Variants in KAZN observed in about 807,000 individuals in gnomAD.
KAZN encodes kazrin, periplakin interacting protein, also known as kazrin.
In KAZN, 40 loss-of-function variants were observed where a neutral mutation model predicts 87.4. The ratio of observed to expected loss-of-function variants is 0.46; its 90% CI spans 0.36 to 0.60. The LOEUF (loss-of-function observed/expected upper bound fraction) is 0.60. Among genes scored for constraint, KAZN ranks in the 20% least tolerant of loss-of-function variants. The pLI is 0.00. For synonymous variants in KAZN, 466 were observed against 458.3 expected, an observed-to-expected ratio of 1.02 and a Z score of -0.22; for missense variants, 898 against 1,073.9, an observed-to-expected ratio of 0.84 and a Z score of 2.29.
At chr1:13,920,437 A>G (rs1451196434) in intron 1 of KAZN, among the ~76,000 whole-genome samples, 1 of 152,128 alleles carries the variant, frequency 6.6e-6, no homozygotes, top group African/African-American at 2.4e-5. Flanking sequence ...TCAAGAGTGT[A>G]AGTCCTCCAG....
intron 1 of KAZN, among the ~76,000 whole-genome samples, chr1:14,868,312 G>A (rs1219319937): frequency 6.6e-6 from 1 of 152,236 alleles, no homozygotes; most frequent in Non-Finnish European, 1.5e-5. Context: ...CCCAATGGCT[G>A]TCTTTACTAC....
chr1:14,319,004 TTTTATTTTTATTTA>T (rs1383326245), intron 2 of KAZN, among the ~76,000 whole-genome samples: 1 of 142,746 alleles, frequency 7.0e-6, no homozygotes, highest in Non-Finnish European at 1.5e-5. Flanking sequence ...TCTGTTGACC[TTTTATTTTTATTTA>T]TTTATTTATT....
chr1:13,920,295 T>C (rs1640015893), intron 1 of KAZN, among the ~76,000 whole-genome samples: 1 of 151,272 alleles, frequency 6.6e-6, no homozygotes, highest in African/African-American at 2.4e-5. Context: ...TCTGAAGTGC[T>C]CTTTTTGCCA....
intron 2 of KAZN, among the ~76,000 whole-genome samples, chr1:14,535,199 C>G (rs914233866): frequency 6.6e-6 from 1 of 152,216 alleles, no homozygotes; most frequent in African/African-American, 2.4e-5. Context: ...ACCAGCATTA[C>G]AGGTTCTATT....
intron 1 of KAZN, among the ~76,000 whole-genome samples, chr1:14,874,493 GAT>G (rs1652529785): frequency 2.6e-5 from 4 of 151,620 alleles, no homozygotes; most frequent in Admixed American, 1.3e-4. Context: ...TGGATGGATG[GAT>G]GGATGGATGG....
chr1:14,450,706 G>A (rs1202685870), intron 2 of KAZN, among the ~76,000 whole-genome samples: 2 of 152,190 alleles, frequency 1.3e-5, no homozygotes, highest in Admixed American at 6.5e-5. Flanking sequence ...ACTTTGCCAA[G>A]TTTTACAAAC....
intron 1 of KAZN, among the ~76,000 whole-genome samples, chr1:14,119,285 G>A (rs569801790): frequency 4.6e-5 from 7 of 152,044 alleles, no homozygotes; most frequent in Non-Finnish European, 7.3e-5. Flanking sequence ...CTTCCCATCC[G>A]TAGACTTTTA....
intron 2 of KAZN, among the ~76,000 whole-genome samples, chr1:14,539,484 T>C (rs982012646): frequency 4.6e-5 from 7 of 152,224 alleles, no homozygotes; most frequent in African/African-American, 1.7e-4. Context: ...TTCTGTGAGA[T>C]ACTAACATTG....
At position 14,079,015 on chromosome 1, in the gene KAZN, T is replaced by C. The variant is rs752209731; in HGVS notation, c.92-101420T>C. Among the ~76,000 whole-genome samples the C allele has an allele frequency of 5.9e-4, 90 of 152,164 alleles. 1 individual carries two copies. Among genetic ancestry groups the C allele is most frequent in the Non-Finnish European group, 1.0e-4 (7 of 68,028 alleles). ...GGGTCTCTCTTATAAGGGCACTGGG[T>C]TAGTCCATTTTGCGTTGCTGTAAAG... On this transcript the variant is annotated intron_variant, in intron 1 of 16. Coordinates refer to the KAZN transcript ENST00000636203.
rs529948188 is a variant in KAZN at position 14,750,028 on chromosome 1, G to A, written c.226+150805G>A. Among the ~76,000 whole-genome samples, 26 of 152,124 alleles carry A rather than the reference G, an allele frequency of 1.7e-4. No homozygotes were observed. The South Asian group carries it at 5.4e-3, about 32-fold the overall frequency. On this transcript the variant is annotated intron_variant, in intron 1 of 14. Transcript: ENST00000376030. Reference sequence around the variant, plus strand: ...CCCATGACCAAAAAAAAGGTGGGGGGTGCATGCAAAAACCAGTGACATCTG... The same window carrying A: ...CCCATGACCAAAAAAAAGGTGGGGGATGCATGCAAAAACCAGTGACATCTG...
chr1:14,363,868 A>C (rs1659728764), intron 2 of KAZN, among the ~76,000 whole-genome samples: 1 of 152,170 alleles, frequency 6.6e-6, no homozygotes, highest in Non-Finnish European at 1.5e-5. Context: ...AATTTGGGGA[A>C]CCACTGGATT....
At chr1:14,465,496 C>A (rs529529739) in intron 2 of KAZN, among the ~76,000 whole-genome samples, 1 of 151,922 alleles carries the variant, frequency 6.6e-6, no homozygotes, top group East Asian at 1.9e-4. Context: ...GGAGCACCTG[C>A]ATAGCTTCCC....
chr1:14,962,236 G>A (rs994595474), intron 2 of KAZN, among the ~76,000 whole-genome samples: 15 of 152,240 alleles, frequency 9.9e-5, no homozygotes, highest in Non-Finnish European at 1.2e-4. Context: ...GGGTGAGCCC[G>A]TATCCAGAGT....
intron 2 of KAZN, among the ~76,000 whole-genome samples, chr1:14,429,736 T>G (rs1419269737): frequency 6.6e-6 from 1 of 152,174 alleles, no homozygotes; most frequent in African/African-American, 2.4e-5. Flanking sequence ...CCCAGTGACC[T>G]TTAGGGGAGA....
At chr1:14,772,858 C>G (rs1645056946) in intron 1 of KAZN, among the ~76,000 whole-genome samples, 1 of 152,136 alleles carries the variant, frequency 6.6e-6, no homozygotes, top group South Asian at 2.1e-4. Context: ...AAAGAGAAAG[C>G]TGAGAATTTT....
chr1:13,957,182 A>G (rs1641581149), intron 1 of KAZN, among the ~76,000 whole-genome samples: 1 of 152,152 alleles, frequency 6.6e-6, no homozygotes. Context: ...TACTTGGCCA[A>G]TGACTAGCCT....
At chr1:14,665,470 G>A (rs1339580508) in intron 1 of KAZN, among the ~76,000 whole-genome samples, 2 of 152,088 alleles carry the variant, frequency 1.3e-5, no homozygotes, top group Non-Finnish European at 2.9e-5. Context: ...AATTATTTAA[G>A]GGCTATACAT....
intron 1 of KAZN, among the ~76,000 whole-genome samples, chr1:14,140,435 G>T (rs1007176182): frequency 6.6e-6 from 1 of 151,944 alleles, no homozygotes; most frequent in Non-Finnish European, 1.5e-5. Context: ...ATTATAAGAT[G>T]AAAACAGTTA....
At chr1:13,997,606 A>G (rs569288514) in intron 1 of KAZN, among the ~76,000 whole-genome samples, 18 of 151,942 alleles carry the variant, frequency 1.2e-4, no homozygotes, top group African/African-American at 3.9e-4. Context: ...GACCAAGCAG[A>G]AGAAAGGATA....
Sources: gnomAD v4.1 joint callset for allele counts (sites outside exome capture counted in the v4.1 genomes callset) on GRCh38, gnomAD v4.1.1 for gene constraint, MANE v1.5 for transcripts, NCBI Gene and HGNC (gene_info 2026-07-23, HGNC 2026-07-21) for gene names.